ECM2: variants seen among roughly 807,000 people sequenced by gnomAD.
ECM2 encodes the protein extracellular matrix protein 2.
A neutral mutation model predicts 67.5 loss-of-function variants in ECM2; 57 were observed. The ratio of observed to expected loss-of-function variants is 0.84; its 90% confidence interval spans 0.68 to 1.05. The LOEUF is 1.05. Among genes scored for constraint, ECM2 ranks in the 50% least tolerant of loss-of-function variants. The pLI is 0.00. For synonymous variants in ECM2, 258 were observed against 294.5 expected, an observed-to-expected ratio of 0.88 and a Z score of 1.27; for missense variants, 741 against 822.8, an observed-to-expected ratio of 0.90 and a Z score of 1.22.
At chr9:92,555,072 C>G in the ECM2 span, among the ~76,000 whole-genome samples, 1 of 152,036 alleles carries the variant, frequency 6.6e-6, no homozygotes, top group South Asian at 2.1e-4. Context: ...TAAGGTGATG[C>G]TGGCTTCATA....
chr9:92,556,517 T>C, the ECM2 span, among the ~76,000 whole-genome samples: 7 of 152,216 alleles, frequency 4.6e-5, no homozygotes, highest in Non-Finnish European at 7.3e-5. Flanking sequence ...GGAGCACCAG[T>C]GTTAGGTGCA....
At chr9:92,534,613 A>G (rs1849054335) in intron 1 of ECM2, among the ~76,000 whole-genome samples, 1 of 152,236 alleles carries the variant, frequency 6.6e-6, no homozygotes, top group Non-Finnish European at 1.5e-5. Flanking sequence ...ATTAACATGC[A>G]GCATGTAAAG....
At chr9:92,558,434 G>A in the ECM2 span, among the ~76,000 whole-genome samples, 9 of 152,304 alleles carry the variant, frequency 5.9e-5, no homozygotes, top group Non-Finnish European at 8.8e-5. Context: ...CACCCAGTGA[G>A]TCTGCCCGGC....
Position 92,517,510 on chromosome 9 carries a change from A to T in ECM2, c.481+177T>A, listed in dbSNP as rs577170048. ...ACTATAAAGCCACAGTCTATTATTT[A>T]TATCCCCTACCATACATTTTCCCAG... On this transcript the variant is annotated intron_variant, in intron 3 of 9. Transcript: ENST00000344604. 9 of 801,508 alleles carry T rather than the reference A, an allele frequency of 1.1e-5. No individual in the cohort carries two copies. The African/African-American group carries it at 1.2e-4, about 11-fold the overall frequency. The allele number at this position is 801,508 out of a possible 1,614,324, so 49.6% of individuals were successfully genotyped here. A position where few individuals can be genotyped will look rare whatever the true frequency, so the allele number is the denominator to read the frequency against.
chr9:92,503,275 T>G (rs1035263973), intron 7 of ECM2, among the ~76,000 whole-genome samples: 5 of 152,198 alleles, frequency 3.3e-5, no homozygotes, highest in Non-Finnish European at 5.9e-5. Context: ...GCTTAAAAAC[T>G]CTGAAAAGTA....
chr9:92,514,927 C>T lies in ECM2; in HGVS notation c.758G>A (p.Arg253Lys), dbSNP rs1847601055. The change falls in exon 4 of 10, where the codon AGG becomes AAG. Residue 253 changes from arginine to lysine, a missense_variant. Arg to Lys is a conservative substitution (Grantham distance 26). Coordinates refer to ENST00000344604, the MANE Select transcript of ECM2 (RefSeq NM_001393.4). Reference sequence around the variant, plus strand: ...TGCCAGCCTCCTCTCCTCTCCAGGCCTCTGCTTTCTGTCTCCTCCTCTGCT... The same window carrying T: ...TGCCAGCCTCCTCTCCTCTCCAGGCTTCTGCTTTCTGTCTCCTCCTCTGCT... ...GDSRGGDRKQ[R>K]PGEERRLAHQ... The T allele has an allele frequency of 2.5e-6, 4 of 1,614,006 alleles. No homozygotes were observed. The Middle Eastern group carries it at 4.9e-4, about 200-fold the overall frequency.
the ECM2 span, among the ~76,000 whole-genome samples, chr9:92,552,215 A>ACC: frequency 4.2e-3 from 614 of 146,906 alleles, 11 homozygotes; most frequent in African/African-American, 0.014. Context: ...ACACACACAC[A>ACC]CCCCACAGTT....
In ECM2 at chr9:92,519,687, ACC is replaced by A. The variant is rs386736315; in HGVS notation, c.293-1814_293-1813del. 2.3e-3 allele frequency among the ~76,000 whole-genome samples: 352 copies of A among 152,314 alleles called. 1 individual carries two copies. Among genetic ancestry groups the A allele is most frequent in the African/African-American group, 8.1e-3 (337 of 41,564 alleles). On this transcript the variant is annotated intron_variant, in intron 2 of 9. Transcript: ENST00000344604. ...AAGACCTAATATATCTTATATTTAG[ACC>A]TTTGCTGTAAATATAAGAGCTAAGA...
Position 92,496,436 on chromosome 9 carries a change from G to T in ECM2, c.1979C>A (p.Ser660Ter). Reference protein sequence around the residue: ...EICNAEEDDDSNLEHLHLENN... With the variant: ...EICNAEEDDD ...TTCAAGATGAAGATGTTCCAGATTTGAGTCATCATCCTCTTCAGCATTGCA... is the reference window on the plus strand; with the variant it reads ...TTCAAGATGAAGATGTTCCAGATTTTAGTCATCATCCTCTTCAGCATTGCA... Residue 660 changes from serine to a stop codon, truncating the protein, a stop_gained, in exon 10 of 10, where the codon TCA (serine) becomes TAA (stop). Transcript: ENST00000344604. LOFTEE classifies it high-confidence loss of function. 1 of 1,608,792 alleles carries T rather than the reference G, an allele frequency of 6.2e-7. No individual in the cohort carries two copies. The highest frequency in any genetic ancestry group is 1.1e-5 in the South Asian group (1 of 89,690).
the ECM2 span, among the ~76,000 whole-genome samples, chr9:92,546,471 C>T: frequency 3.3e-5 from 5 of 152,164 alleles, no homozygotes; most frequent in East Asian, 1.9e-4. Context: ...CTGAAGCCAG[C>T]GAGTCCACGA....
chr9:92,537,209 A>G (rs1000937326), upstream of ECM2, among the ~76,000 whole-genome samples: 3 of 152,034 alleles, frequency 2.0e-5, no homozygotes, highest in Non-Finnish European at 2.9e-5. Context: ...AGGGGTCCAA[A>G]TCATTTGGCA....
At chr9:92,528,552 G>A (rs62572509) in intron 1 of ECM2, among the ~76,000 whole-genome samples, 6,063 of 67,616 alleles carry the variant, frequency 0.09, 186 homozygotes, top group Middle Eastern at 0.14. Flanking sequence ...GGAAAACAAA[G>A]CAAAACAAAA....
intron 2 of ECM2, among the ~76,000 whole-genome samples, chr9:92,521,167 A>T (rs1477346063): frequency 6.6e-6 from 1 of 152,254 alleles, no homozygotes; most frequent in Admixed American, 6.5e-5. Context: ...TTTTCGGACA[A>T]CTTGGAAATA....
the ECM2 span, among the ~76,000 whole-genome samples, chr9:92,555,329 C>A: frequency 7.0e-6 from 1 of 142,874 alleles, no homozygotes; most frequent in African/African-American, 2.6e-5. Flanking sequence ...CAGGTTCAAG[C>A]GATTCTCCTG....
At chr9:92,517,488 A>G in intron 3 of ECM2, 199 bp downstream of exon 3, 2 of 691,876 alleles carry the variant, frequency 2.9e-6, no homozygotes, top group Non-Finnish European at 4.8e-6. Context: ...AGCTAGAACT[A>G]TAAAGCCACA....
At chr9:92,501,164 G>T in intron 8 of ECM2, 111 bp from the exon 9 acceptor site, 1 of 1,076,948 alleles carries the variant, frequency 9.3e-7, no homozygotes. Flanking sequence ...TAAGCACCCA[G>T]TTTGTAGTGA....
chr9:92,552,488 G>A, the ECM2 span, among the ~76,000 whole-genome samples: 5 of 152,002 alleles, frequency 3.3e-5, no homozygotes, highest in South Asian at 4.2e-4. Flanking sequence ...CCTGTTCACC[G>A]CATCCATGCC....
At chr9:92,526,544 A>G (rs1848420652) in intron 1 of ECM2, among the ~76,000 whole-genome samples, 1 of 151,976 alleles carries the variant, frequency 6.6e-6, no homozygotes, top group Admixed American at 6.5e-5. Context: ...CAGCAAACCA[A>G]ACCCAAAATT....
At chr9:92,494,104 A>G, downstream of ECM2, 3 of 1,597,920 alleles carry the variant, frequency 1.9e-6, no homozygotes, top group Non-Finnish European at 1.7e-6. Context: ...GAAAGGCCAC[A>G]TCTGATCTGT....
Sources: allele counts gnomAD v4.1 joint callset (sites outside exome capture counted in the v4.1 genomes callset), GRCh38; gene constraint gnomAD v4.1.1; transcripts MANE v1.5; gene names NCBI Gene and HGNC (gene_info 2026-07-23, HGNC 2026-07-21).